Variants in SUPT16H observed in about 807,000 individuals in gnomAD.
The protein encoded by SUPT16H is FACT complex subunit SPT16.
SUPT16H carries 24 observed loss-of-function variants against 136.2 expected under a neutral mutation model. That is an observed-to-expected ratio of 0.18 (90% CI 0.13 to 0.25). SUPT16H has a LOEUF of 0.25. Ranked by LOEUF, SUPT16H falls within the 10% of genes least tolerant of loss-of-function variation. SUPT16H has a pLI of 1.00. For synonymous variants in SUPT16H, 415 were observed against 428.2 expected, an observed-to-expected ratio of 0.97 and a Z score of 0.38; for missense variants, 623 against 1,270.2, an observed-to-expected ratio of 0.49 and a Z score of 7.74.
chr14:21,357,105 T>G (rs896871265), intron 22 of SUPT16H, 92 bp downstream of exon 22: 8 of 1,287,978 alleles, frequency 6.2e-6, no homozygotes, highest in Non-Finnish European at 8.2e-6. Flanking sequence ...ACTTTAAGTA[T>G]ATCAGTAGAT....
chr14:21,362,553 T>C (rs1378397085), intron 14 of SUPT16H, among the ~76,000 whole-genome samples: 2 of 152,098 alleles, frequency 1.3e-5, no homozygotes, highest in Non-Finnish European at 2.9e-5. Flanking sequence ...AGTTAAACAA[T>C]GATTAAACGA....
At chr14:21,370,212 G>A in intron 4 of SUPT16H, 124 bp downstream of exon 4, 1 of 1,288,180 alleles carries the variant, frequency 7.8e-7, no homozygotes, top group Non-Finnish European at 1.1e-6. Context: ...CTCAGCCAAA[G>A]GGGATAAAAT....
At chr14:21,383,393 C>G in intron 1 of SUPT16H, 1 of 481,818 alleles carries the variant, frequency 2.1e-6, no homozygotes, top group Non-Finnish European at 3.7e-6. Context: ...GCCCCGCAAA[C>G]GATAAACGCT....
intron 7 of SUPT16H, among the ~76,000 whole-genome samples, chr14:21,367,607 C>T (rs1886699247): frequency 2.0e-5 from 3 of 152,134 alleles, no homozygotes; most frequent in Admixed American, 2.0e-4. Context: ...TCCTTCGTAT[C>T]GTTTTGATGT....
At chr14:21,375,374 T>A (rs955445492) in intron 1 of SUPT16H, among the ~76,000 whole-genome samples, 1 of 152,206 alleles carries the variant, frequency 6.6e-6, no homozygotes, top group Non-Finnish European at 1.5e-5. Context: ...TCATTTCATA[T>A]GTTTACTGAC....
At chr14:21,373,627 G>T (rs1247637094) in intron 1 of SUPT16H, among the ~76,000 whole-genome samples, 197 bp from the exon 2 acceptor site, 1 of 152,136 alleles carries the variant, frequency 6.6e-6, no homozygotes, top group Non-Finnish European at 1.5e-5. Context: ...AATATCAAGA[G>T]AAATTTTTCC....
Position 21,364,875 on chromosome 14 carries a change from T to C in SUPT16H, c.1185A>G (p.Glu395=). Reference sequence around the variant, plus strand: ...CAATGAACAGGGCATAGGTTTTCTCTTCTGGCTTTTTCCCCTCCTTGTTAG... The same window carrying C: ...CAATGAACAGGGCATAGGTTTTCTCCTCTGGCTTTTTCCCCTCCTTGTTAG... The part of the protein sequence containing the change: ...DLTNKEGKKP[E]EKTYALFIGD... The change falls in exon 10 of 26, where the codon GAA becomes GAG. Residue 395 remains glutamate, a synonymous_variant. Transcript: ENST00000216297. 6.2e-7 allele frequency: 1 copy of C among 1,613,274 alleles called. No individual in the cohort carries two copies. The highest frequency in any genetic ancestry group is 1.3e-5 in the African/African-American group (1 of 75,054).
chr14:21,362,943 G>A lies in SUPT16H; in HGVS notation c.1516C>T (p.Arg506Cys), dbSNP rs1383099672. Reference protein sequence around the residue: ...QKGEQQIQKARKSNVSYKNPS... With the variant: ...QKGEQQIQKACKSNVSYKNPS... Reference sequence around the variant, plus strand: ...TTTTTATAGGACACATTAGACTTGCGAGCTCTGGAGTGGGATAAAAAAACA... The same window carrying A: ...TTTTTATAGGACACATTAGACTTGCAAGCTCTGGAGTGGGATAAAAAAACA... Residue 506 changes from arginine to cysteine, a missense_variant, in exon 14 of 26, where the codon CGC (arginine) becomes TGC (cysteine). Physicochemically the swap from Arg to Cys is radical, Grantham distance 180 (BLOSUM62 -3). Transcript: ENST00000216297. 1 of 1,613,268 alleles carries A rather than the reference G, an allele frequency of 6.2e-7. No homozygotes were observed. The highest frequency in any genetic ancestry group is 8.5e-7 in the Non-Finnish European group (1 of 1,179,800).
chr14:21,377,985 C>T (rs1363715176), intron 1 of SUPT16H, among the ~76,000 whole-genome samples: 2 of 152,128 alleles, frequency 1.3e-5, no homozygotes, highest in African/African-American at 2.4e-5. Context: ...AAAGCAGAGG[C>T]TCTTGGATAT....
At position 21,383,825 on chromosome 14, in the gene SUPT16H, G is replaced by A. The variant is rs188247896; in HGVS notation, c.66+37C>T. On this transcript the variant is annotated intron_variant, in intron 1 of 25. Transcript: ENST00000216297. Reference sequence around the variant, plus strand: ...AACAGGGTTATTATGGGATGGCTAAGGGGGCTCCCTAGGAAAAATTACAGG... The same window carrying A: ...AACAGGGTTATTATGGGATGGCTAAAGGGGCTCCCTAGGAAAAATTACAGG... 364 of 1,612,750 alleles carry A rather than the reference G, an allele frequency of 2.3e-4. 1 individual carries two copies. In the Admixed American group the frequency reaches 5.4e-3, roughly 24 times the overall value.
chr14:21,357,340 C>T lies in SUPT16H; in HGVS notation c.2517G>A (p.Glu839=), dbSNP rs1239961399. The change falls in exon 22 of 26, where the codon GAG becomes GAA. Residue 839 remains glutamate (E), a synonymous_variant. Transcript: ENST00000216297. ...CCCGCTCAAAGTGGATCAGCTCTAC[C>T]TCATCCAATGTCACCACAAAAGGTG... ...EWPPFVVTLD[E]VELIHFERVQ... 9 of 1,601,922 alleles carry T rather than the reference C, an allele frequency of 5.6e-6. No individual in the cohort carries two copies. The highest frequency in any genetic ancestry group is 4.5e-5 in the East Asian group (2 of 44,358).
chr14:21,360,321 C>T, intron 18 of SUPT16H, 94 bp downstream of exon 18: 4 of 1,033,698 alleles, frequency 3.9e-6, no homozygotes, highest in Non-Finnish European at 5.7e-6. Flanking sequence ...AGCCACCGCG[C>T]CCAGCCCTTT....
At chr14:21,353,971 ATGACTTGTTTAAAATTAGTGGT>A in intron 23 of SUPT16H, 139 bp from the exon 24 acceptor site, 1 of 749,148 alleles carries the variant, frequency 1.3e-6, no homozygotes, top group Non-Finnish European at 2.0e-6. Context: ...AAGAGATAAA[ATGACTTGTTTAAAATTAGTGGT>A]CAGGTGCAAT....
At chr14:21,370,519 T>C (rs370077167) in intron 3 of SUPT16H, 31 bp from the exon 4 acceptor site, 83 of 1,610,870 alleles carry the variant, frequency 5.2e-5, no homozygotes, top group Non-Finnish European at 6.9e-5. Context: ...AAAAGACACA[T>C]ATGTTTTACC....
chr14:21,369,097 T>C (rs2139410166), intron 6 of SUPT16H, 107 bp downstream of exon 6: 1 of 1,320,158 alleles, frequency 7.6e-7, no homozygotes, highest in East Asian at 2.4e-5. Flanking sequence ...ATACATTATA[T>C]ACTTGTAGCC....
intron 12 of SUPT16H, 25 bp from the exon 13 acceptor site, chr14:21,363,174 T>C: frequency 6.2e-7 from 1 of 1,613,944 alleles, no homozygotes; most frequent in Non-Finnish European, 8.5e-7. Flanking sequence ...ATCCAATTTA[T>C]CACAACACGT....
At chr14:21,374,507 A>G (rs1262070055) in intron 1 of SUPT16H, among the ~76,000 whole-genome samples, 2 of 152,208 alleles carry the variant, frequency 1.3e-5, no homozygotes, top group African/African-American at 4.8e-5. Context: ...CCCTATCTCC[A>G]TCTCAGCCCT....
rs779144707 is a variant in SUPT16H, at chr14:21,357,371, C to G, written c.2491-5G>C. 2 of 1,567,260 alleles carry G rather than the reference C, an allele frequency of 1.3e-6. No individual in the cohort carries two copies. Among genetic ancestry groups the G allele is most frequent in the Non-Finnish European group, 1.7e-6 (2 of 1,158,278 alleles). On this transcript the variant is annotated splice_polypyrimidine_tract_variant and splice_region_variant and intron_variant, in intron 21 of 25. Transcript: ENST00000216297. ...CAATGTCACCACAAAAGGTGGCTGT[C>G]AGGGAGAAACTGAATCATTAGCATA...
intron 22 of SUPT16H, among the ~76,000 whole-genome samples, chr14:21,355,351 G>GGC (rs1886405071): frequency 6.6e-6 from 1 of 151,970 alleles, no homozygotes; most frequent in Non-Finnish European, 1.5e-5. Context: ...AAATTAGCCA[G>GGC]GCATGGTAGC....
Sources: allele counts gnomAD v4.1 joint callset (sites outside exome capture counted in the v4.1 genomes callset), GRCh38; gene constraint gnomAD v4.1.1; transcripts MANE v1.5; gene names NCBI Gene and HGNC (gene_info 2026-07-23, HGNC 2026-07-21).